Variants in ARL8B observed in about 807,000 individuals in gnomAD.
ARL8B encodes ADP-ribosylation factor-like protein 8B.
In ARL8B, 9 loss-of-function variants were observed where a neutral mutation model predicts 30.6. The ratio of observed to expected loss-of-function variants is 0.29; its 90% CI spans 0.18 to 0.51. ARL8B has a LOEUF of 0.51. Among genes scored for constraint, ARL8B ranks in the 20% least tolerant of loss-of-function variants. The pLI is 0.97. For synonymous variants in ARL8B, 74 were observed against 76.0 expected, an observed-to-expected ratio of 0.97 and a Z score of 0.14; for missense variants, 130 against 227.2, an observed-to-expected ratio of 0.57 and a Z score of 2.75.
intron 6 of ARL8B, among the ~76,000 whole-genome samples, chr3:5,177,499 C>G (rs2054740692): frequency 6.6e-6 from 1 of 151,046 alleles, no homozygotes; most frequent in African/African-American, 2.4e-5. Context: ...CTCTTGTGGC[C>G]CAGCTGGAGT....
intron 1 of ARL8B, among the ~76,000 whole-genome samples, chr3:5,131,075 G>T (rs1575558756): frequency 6.6e-6 from 1 of 152,074 alleles, no homozygotes; most frequent in Non-Finnish European, 1.5e-5. Flanking sequence ...ACCACGCCCA[G>T]CTAATTTTTG....
intron 1 of ARL8B, among the ~76,000 whole-genome samples, chr3:5,130,950 T>G (rs2054277731): frequency 6.6e-6 from 1 of 152,186 alleles, no homozygotes; most frequent in Non-Finnish European, 1.5e-5. Flanking sequence ...TTTTCTTTTT[T>G]TGTTTTTGAG....
intron 1 of ARL8B, among the ~76,000 whole-genome samples, chr3:5,147,762 A>T (rs1221197569): frequency 1.3e-5 from 2 of 151,980 alleles, no homozygotes; most frequent in Non-Finnish European, 2.9e-5. Flanking sequence ...TTGTAATGTC[A>T]GGCCAGCTCT....
At chr3:5,147,670 G>T (rs917001453) in intron 1 of ARL8B, among the ~76,000 whole-genome samples, 3 of 151,852 alleles carry the variant, frequency 2.0e-5, no homozygotes, top group African/African-American at 7.3e-5. Flanking sequence ...CTCTTCCTCT[G>T]TCCTTACAAA....
chr3:5,161,108 T>G (rs7614778), intron 1 of ARL8B, among the ~76,000 whole-genome samples: 4 of 152,026 alleles, frequency 2.6e-5, no homozygotes, highest in African/African-American at 9.7e-5. Context: ...TTTGTAGAGA[T>G]GGGGTCTTGC....
rs1413366375 is a variant in ARL8B, at chr3:5,178,717, A to G, written c.*4A>G. ...TTCAAAATCTAGAAGAAGCTGAAGCATCTCCTGAAGTCTTCCAGTCCTTCT... is the reference window on the plus strand; with the variant it reads ...TTCAAAATCTAGAAGAAGCTGAAGCGTCTCCTGAAGTCTTCCAGTCCTTCT... On this transcript the variant is annotated 3_prime_UTR_variant, in exon 7 of 7. Coordinates refer to ENST00000256496, the MANE Select transcript of ARL8B (RefSeq NM_018184.3). The G allele has an allele frequency of 4.3e-6, 7 of 1,611,374 alleles. No homozygotes were observed. In the South Asian group the frequency reaches 7.7e-5, roughly 18 times the overall value.
At chr3:5,134,978 A>G (rs2054312547) in intron 1 of ARL8B, among the ~76,000 whole-genome samples, 1 of 152,028 alleles carries the variant, frequency 6.6e-6, no homozygotes, top group Non-Finnish European at 1.5e-5. Context: ...CTCCCAGAGT[A>G]GCTGGGACTG....
At chr3:5,150,782 CAAAAT>C (rs546976416) in intron 1 of ARL8B, among the ~76,000 whole-genome samples, 15 of 152,030 alleles carry the variant, frequency 9.9e-5, no homozygotes, top group East Asian at 5.8e-4. Flanking sequence ...GACTCTGTCT[CAAAAT>C]AAAATAAAAT....
intron 1 of ARL8B, among the ~76,000 whole-genome samples, chr3:5,134,835 G>A (rs1390014112): frequency 9.2e-5 from 14 of 152,194 alleles, no homozygotes; most frequent in African/African-American, 3.4e-4. Flanking sequence ...GGAAATGGCT[G>A]TTCCACCTTC....
At chr3:5,159,780 G>A (rs1396896351) in intron 1 of ARL8B, among the ~76,000 whole-genome samples, 2 of 151,660 alleles carry the variant, frequency 1.3e-5, no homozygotes, top group African/African-American at 4.8e-5. Flanking sequence ...TTATGAACAA[G>A]CAGCATTTGT....
chr3:5,129,995 G>A (rs180699842), intron 1 of ARL8B, among the ~76,000 whole-genome samples: 104 of 149,630 alleles, frequency 7.0e-4, no homozygotes, highest in African/African-American at 2.5e-3. Context: ...TCCCAAGTAG[G>A]TGGGACTACA....
At chr3:5,159,840 A>T (rs1472456697) in intron 1 of ARL8B, among the ~76,000 whole-genome samples, 1 of 152,082 alleles carries the variant, frequency 6.6e-6, no homozygotes, top group Non-Finnish European at 1.5e-5. Flanking sequence ...TTTAGTTCCC[A>T]AAATACCCAG....
chr3:5,124,221 G>T (rs2054209119), intron 1 of ARL8B, among the ~76,000 whole-genome samples: 1 of 150,272 alleles, frequency 6.7e-6, no homozygotes, highest in African/African-American at 2.5e-5. Flanking sequence ...CTTTCCGCAG[G>T]AATAGAAGAG....
At chr3:5,155,620 A>C (rs74677825) in intron 1 of ARL8B, among the ~76,000 whole-genome samples, 10,367 of 151,142 alleles carry the variant, frequency 0.069, 448 homozygotes, top group East Asian at 0.15. Context: ...ACTCAGACTG[A>C]ATAATTAATT....
intron 1 of ARL8B, among the ~76,000 whole-genome samples, chr3:5,164,200 G>T (rs972304956): frequency 2.6e-5 from 4 of 152,174 alleles, no homozygotes; most frequent in African/African-American, 7.2e-5. Flanking sequence ...CTTCAAACCT[G>T]TGTAGTTCAA....
chr3:5,173,818 A>G (rs1332097355), intron 4 of ARL8B, among the ~76,000 whole-genome samples, 199 bp from the exon 5 acceptor site: 1 of 152,250 alleles, frequency 6.6e-6, no homozygotes, highest in East Asian at 1.9e-4. Context: ...CTGAATTAAG[A>G]GCACCTGCAT....
At position 5,173,884 on chromosome 3, in the gene ARL8B, A is replaced by G. The variant is rs2106572884; in HGVS notation, c.373-133A>G. 5.4e-6 allele frequency: 4 copies of G among 738,072 alleles called. No individual in the cohort carries two copies. In the East Asian group the frequency reaches 9.8e-5, roughly 18 times the overall value. The allele number at this position is 738,072 out of a possible 1,614,324, so 45.7% of individuals were successfully genotyped here. A position where few individuals can be genotyped will look rare whatever the true frequency, so the allele number is the denominator to read the frequency against. On this transcript the variant is annotated intron_variant, in intron 4 of 6. Coordinates refer to ENST00000256496, the MANE Select transcript of ARL8B (RefSeq NM_018184.3). Reference sequence around the variant, plus strand: ...AATGAAATGAATGAGACAAGCCACCAGTTACACAAATAGGCCTTAACATTG... The same window carrying G: ...AATGAAATGAATGAGACAAGCCACCGGTTACACAAATAGGCCTTAACATTG...
intron 1 of ARL8B, among the ~76,000 whole-genome samples, chr3:5,154,856 G>A (rs2054518371): frequency 6.6e-6 from 1 of 151,952 alleles, no homozygotes; most frequent in Non-Finnish European, 1.5e-5. Context: ...GATTACAGGG[G>A]CATGCCACCA....
Position 5,172,169 on chromosome 3 carries a change from A to G in ARL8B, c.224A>G (p.Gln75Arg). ...VTIKIWDIGG[Q>R]PRFRSMWERY... is the part of the protein sequence containing the mutation. Reference sequence around the variant, plus strand: ...TTAAAGATCTGGGACATAGGAGGACAACCCCGATTTCGAAGCATGTGGGAG... The same window carrying G: ...TTAAAGATCTGGGACATAGGAGGACGACCCCGATTTCGAAGCATGTGGGAG... The change falls in exon 3 of 7, where the codon CAA becomes CGA. Residue 75 changes from glutamine (Q) to arginine (R), a missense_variant. Gln to Arg is a conservative substitution (Grantham distance 43, BLOSUM62 1). Transcript: ENST00000256496. The G allele has an allele frequency of 6.2e-7, 1 of 1,613,812 alleles. No homozygotes were observed. Among genetic ancestry groups the G allele is most frequent in the Middle Eastern group, 1.7e-4 (1 of 6,060 alleles).
Sources: gnomAD v4.1 joint callset for allele counts (sites outside exome capture counted in the v4.1 genomes callset) on GRCh38, gnomAD v4.1.1 for gene constraint, MANE v1.5 for transcripts, NCBI Gene and HGNC (gene_info 2026-07-23, HGNC 2026-07-21) for gene names.